ZBTB8B: variants seen among roughly 807,000 people sequenced by gnomAD.
ZBTB8B encodes the protein zinc finger and BTB domain containing 8B, also known as zinc finger and BTB domain-containing protein 8B.
In ZBTB8B, 17 loss-of-function variants were observed where a neutral mutation model predicts 30.3. That is an observed-to-expected ratio of 0.56 (90% CI 0.38 to 0.84). The LOEUF (loss-of-function observed/expected upper bound fraction) is 0.84. Ranked by LOEUF, ZBTB8B falls within the 40% of genes least tolerant of loss-of-function variation. The probability of loss-of-function intolerance (pLI) is 0.00; values close to 1 mark genes in which losing one functional copy is unlikely to be tolerated. For missense variants in ZBTB8B, 515 were observed against 644.9 expected (o/e 0.80, Z 2.18); for synonymous variants, 248 against 255.6 (o/e 0.97, Z 0.28).
Position 32,496,001 on chromosome 1 carries a change from A to T in ZBTB8B, c.*10583A>T, listed in dbSNP as rs887296276. 6.6e-6 allele frequency: 1 copy of T among 152,212 alleles called. No individual in the cohort carries two copies. The highest frequency in any genetic ancestry group is 1.5e-5 in the Non-Finnish European group (1 of 68,036). The allele number at this position is 152,212 out of a possible 1,614,324, so 9.4% of individuals were successfully genotyped here. A position where few individuals can be genotyped will look rare whatever the true frequency, so the allele number is the denominator to read the frequency against. ...CTGTTTTTCTCAGGGCAATTATTTT[A>T]TATAAAATTCTAATGGAGAATTTTA... On this transcript the variant is annotated 3_prime_UTR_variant, in exon 4 of 4. Coordinates refer to ENST00000609129, the MANE Select transcript of ZBTB8B (RefSeq NM_001145720.2).
At chr1:32,476,788 C>CAA (rs77792479) in intron 2 of ZBTB8B, among the ~76,000 whole-genome samples, 9 of 84,800 alleles carry the variant, frequency 1.1e-4, no homozygotes, top group East Asian at 7.1e-4. Context: ...GACTCTGTCT[C>CAA]AAAAAAAAAA....
chr1:32,476,992 G>C (rs996705652), intron 2 of ZBTB8B, among the ~76,000 whole-genome samples: 4 of 152,068 alleles, frequency 2.6e-5, no homozygotes, highest in African/African-American at 9.7e-5. Flanking sequence ...TCTAGTTCTT[G>C]TCCCTTCCTT....
Position 32,475,511 on chromosome 1 carries a change from G to A in ZBTB8B, c.991+3896G>A, listed in dbSNP as rs577779298. Among the ~76,000 whole-genome samples the A allele has an allele frequency of 5.0e-4, 76 of 152,198 alleles. 1 individual carries two copies. Among genetic ancestry groups the A allele is most frequent in the Admixed American group, 1.4e-3 (22 of 15,284 alleles). ...TGAGGCAGGAGAATTGCTTGAACCC[G>A]GAAGGCGGAGGTTGCAGTGAGCCAA... On this transcript the variant is annotated intron_variant, in intron 2 of 3. Transcript: ENST00000609129.
rs1310752043 is a variant in ZBTB8B, at chr1:32,488,921, T to TG, written c.*3504dup. 1.3e-5 allele frequency: 2 copies of TG among 152,118 alleles called. No homozygotes were observed. Among genetic ancestry groups the TG allele is most frequent in the African/African-American group, 2.4e-5 (1 of 41,432 alleles). 9.4% of individuals were successfully genotyped at this position (152,118 alleles called of 1,614,324 possible). Reference sequence around the variant, plus strand: ...AAGAGATTCTTCTGTCTCAGCCTCTTGAGTAGTTGGGATTATAGGCACGCG... The same window carrying TG: ...AAGAGATTCTTCTGTCTCAGCCTCTTGGAGTAGTTGGGATTATAGGCACGCG... On this transcript the variant is annotated 3_prime_UTR_variant, in exon 4 of 4. Coordinates refer to ENST00000609129, the MANE Select transcript of ZBTB8B (RefSeq NM_001145720.2).
Position 32,495,394 on chromosome 1 carries a change from A to G in ZBTB8B, c.*9976A>G, listed in dbSNP as rs967836405. 1 of 152,156 alleles carries G rather than the reference A, an allele frequency of 6.6e-6. No individual in the cohort carries two copies. Among genetic ancestry groups the G allele is most frequent in the East Asian group, 1.9e-4 (1 of 5,202 alleles). 9.4% of individuals were successfully genotyped at this position (152,156 alleles called of 1,614,324 possible). The stretch of plus-strand genomic sequence containing the variant: ...CTGGTTTTTAATGAAATATTTATCT[A>G]GTTTGGGATTAAAATTAACTTAGGG... On this transcript the variant is annotated 3_prime_UTR_variant, in exon 4 of 4. Coordinates refer to ENST00000609129, the MANE Select transcript of ZBTB8B (RefSeq NM_001145720.2).
rs1643813224 is a variant in ZBTB8B, at chr1:32,495,790, G to A, written c.*10372G>A. The A allele has an allele frequency of 6.6e-6, 1 of 152,210 alleles. No individual in the cohort carries two copies. Among genetic ancestry groups the A allele is most frequent in the Admixed American group, 6.5e-5 (1 of 15,270 alleles). The allele number at this position is 152,210 out of a possible 1,614,324, so 9.4% of individuals were successfully genotyped here. Reference sequence around the variant, plus strand: ...CCAGCTACTCCAAAGGCTGAGGCAGGAGGATTGCTTGAGCCCAGAAGTTCA... The same window carrying A: ...CCAGCTACTCCAAAGGCTGAGGCAGAAGGATTGCTTGAGCCCAGAAGTTCA... On this transcript the variant is annotated 3_prime_UTR_variant, in exon 4 of 4. Coordinates refer to ENST00000609129, the MANE Select transcript of ZBTB8B (RefSeq NM_001145720.2).
chr1:32,482,484 A>G (rs1471692891), intron 3 of ZBTB8B, among the ~76,000 whole-genome samples: 3 of 151,820 alleles, frequency 2.0e-5, no homozygotes, highest in Non-Finnish European at 4.4e-5. Context: ...CATCCTGGCC[A>G]ACATGGTGAA....
chr1:32,474,972 G>T (rs961153381), intron 2 of ZBTB8B, among the ~76,000 whole-genome samples: 3 of 152,200 alleles, frequency 2.0e-5, no homozygotes, highest in African/African-American at 7.2e-5. Flanking sequence ...TAGGCATTTG[G>T]CTCTGTGCCA....
At position 32,484,226 on chromosome 1, in the gene ZBTB8B, A is replaced by G. The variant is rs796910121; in HGVS notation, c.1171-875A>G. 4.0e-4 allele frequency among the ~76,000 whole-genome samples: 60 copies of G among 151,612 alleles called. No individual in the cohort carries two copies. The highest frequency in any genetic ancestry group is 1.5e-3 in the African/African-American group (60 of 41,324). ...CTGTCTCTGGAAAAAAAAAAAAAAAATCCCAATCAGTTCACTTTCATTTGA... is the reference window on the plus strand; with the variant it reads ...CTGTCTCTGGAAAAAAAAAAAAAAAGTCCCAATCAGTTCACTTTCATTTGA... On this transcript the variant is annotated intron_variant, in intron 3 of 3. Transcript: ENST00000609129. The surrounding 1 kb of genome is among the most constrained non-coding windows in gnomAD (Gnocchi z 4.5).
At chr1:32,473,313 A>AAAAG (rs527368823) in intron 2 of ZBTB8B, among the ~76,000 whole-genome samples, 10 of 152,228 alleles carry the variant, frequency 6.6e-5, no homozygotes, top group African/African-American at 1.4e-4. Context: ...CTCAAAAAAA[A>AAAAG]AAAGAAAGAA....
chr1:32,476,887 A>G (rs1007514110), intron 2 of ZBTB8B, among the ~76,000 whole-genome samples: 1 of 152,062 alleles, frequency 6.6e-6, no homozygotes, highest in Non-Finnish European at 1.5e-5. Flanking sequence ...TATTCTGTTC[A>G]CTGTTGTATC....
Position 32,470,802 on chromosome 1 carries a change from A to G in ZBTB8B, c.178A>G (p.Ser60Gly). The G allele has an allele frequency of 6.4e-7, 1 of 1,551,838 alleles. No homozygotes were observed. Among genetic ancestry groups the G allele is most frequent in the East Asian group, 2.4e-5 (1 of 40,922 alleles). Residue 60 changes from serine to glycine, a missense_variant, in exon 2 of 4, where the codon AGC becomes GGC. Coordinates refer to ENST00000609129, the MANE Select transcript of ZBTB8B (RefSeq NM_001145720.2). ...RALLIHYIQDSGRHSTASLDI... is the reference protein window; with the variant it reads ...RALLIHYIQDGGRHSTASLDI... Reference sequence around the variant, plus strand: ...CCTGCTCATTCACTATATCCAGGACAGCGGGCGGCATAGCACCGCCTCCTT... The same window carrying G: ...CCTGCTCATTCACTATATCCAGGACGGCGGGCGGCATAGCACCGCCTCCTT...
chr1:32,470,879 T>C lies in ZBTB8B; in HGVS notation c.255T>C (p.Ser85=). 6.4e-7 allele frequency: 1 copy of C among 1,552,004 alleles called. No homozygotes were observed. Among genetic ancestry groups the C allele is most frequent in the Non-Finnish European group, 8.7e-7 (1 of 1,147,054 alleles). Residue 85 remains serine, a synonymous_variant, in exon 2 of 4, where the codon TCT becomes TCC. Coordinates refer to ENST00000609129, the MANE Select transcript of ZBTB8B (RefSeq NM_001145720.2). ...CCATCATCTTAGATTTCCTCTATTC[T>C]GGGAAGTTGGATTTGTGTGGGGAGA... is the stretch of plus-strand genomic sequence containing the variant. The part of the protein sequence containing the change: ...AFSIILDFLY[S]GKLDLCGENV...
Position 32,493,506 on chromosome 1 carries a change from T to TC in ZBTB8B, c.*8091dup, listed in dbSNP as rs1023106404. On this transcript the variant is annotated 3_prime_UTR_variant, in exon 4 of 4. Coordinates refer to ENST00000609129, the MANE Select transcript of ZBTB8B (RefSeq NM_001145720.2). ...CGGGAGCAGTGGCTCATGCCTGTAATCCCAGCACTTTGGGAGGTCAACGGG... is the reference window on the plus strand; with the variant it reads ...CGGGAGCAGTGGCTCATGCCTGTAATCCCCAGCACTTTGGGAGGTCAACGGG... 1 of 148,916 alleles carries TC rather than the reference T, an allele frequency of 6.7e-6. No individual in the cohort carries two copies. The highest frequency in any genetic ancestry group is 1.5e-5 in the Non-Finnish European group (1 of 67,442). The allele number at this position is 148,916 out of a possible 1,614,324, so 9.2% of individuals were successfully genotyped here.
intron 3 of ZBTB8B, 122 bp downstream of exon 3, chr1:32,481,191 A>C: frequency 9.8e-7 from 1 of 1,022,932 alleles, no homozygotes; most frequent in Non-Finnish European, 1.3e-6. Flanking sequence ...GATAATTTCC[A>C]CGTATGTTTT....
intron 2 of ZBTB8B, among the ~76,000 whole-genome samples, chr1:32,476,718 G>A (rs1643667171): frequency 1.3e-5 from 2 of 151,342 alleles, no homozygotes; most frequent in South Asian, 4.2e-4. Context: ...GAACCCTGGA[G>A]TTGGAGGTTG....
At position 32,471,066 on chromosome 1, in the gene ZBTB8B, G is replaced by A. The variant is rs1643615406; in HGVS notation, c.442G>A (p.Ala148Thr). The change falls in exon 2 of 4, where the codon GCG (alanine) becomes ACG (threonine). Residue 148 changes from alanine to threonine, a missense_variant. Coordinates refer to ENST00000609129, the MANE Select transcript of ZBTB8B (RefSeq NM_001145720.2). ...GGCGGCAGCGGCGGCGGCTGCAGCGGCGGCAGCAGCGGCGGCTCATCAGGT... is the reference window on the plus strand; with the variant it reads ...GGCGGCAGCGGCGGCGGCTGCAGCGACGGCAGCAGCGGCGGCTCATCAGGT... ...VAAAAAAAAA[A>T]AAAAAHQVDS... is the part of the protein sequence containing the mutation. The A allele has an allele frequency of 6.5e-7, 1 of 1,544,698 alleles. No individual in the cohort carries two copies. The highest frequency in any genetic ancestry group is 1.4e-5 in the African/African-American group (1 of 72,904).
At chr1:32,471,910 C>T (rs1643624882) in intron 2 of ZBTB8B, among the ~76,000 whole-genome samples, 1 of 151,698 alleles carries the variant, frequency 6.6e-6, no homozygotes, top group Admixed American at 6.6e-5. Flanking sequence ...CTATCATCAT[C>T]ACCAGTACTA....
At chr1:32,467,657 A>G (rs1471308412) in intron 1 of ZBTB8B, among the ~76,000 whole-genome samples, 1 of 152,198 alleles carries the variant, frequency 6.6e-6, no homozygotes, top group Non-Finnish European at 1.5e-5. Context: ...GCACTCTGCC[A>G]GATACTGTAA....
Sources: gnomAD v4.1 joint callset for allele counts (sites outside exome capture counted in the v4.1 genomes callset) on GRCh38, gnomAD v4.1.1 for gene constraint, Gnocchi (gnomAD v3.1) non-coding constraint, MANE v1.5 for transcripts, NCBI Gene and HGNC (gene_info 2026-07-23, HGNC 2026-07-21) for gene names.